Variants in MAP4K1 observed in about 807,000 individuals in gnomAD.
MAP4K1 encodes the protein mitogen-activated protein kinase kinase kinase kinase 1.
Under a neutral mutation model 122.8 loss-of-function variants are expected in MAP4K1, and 35 were observed. The observed-to-expected ratio is 0.29, with a 90% confidence interval of 0.22 to 0.38. The LOEUF is 0.38. Ranked by LOEUF, MAP4K1 falls within the 10% of genes least tolerant of loss-of-function variation. The probability of loss-of-function intolerance (pLI) is 1.00; values close to 1 mark genes in which losing one functional copy is unlikely to be tolerated. For synonymous variants in MAP4K1, 412 were observed against 421.3 expected, an observed-to-expected ratio of 0.98 and a Z score of 0.27; for missense variants, 791 against 1,072.6, an observed-to-expected ratio of 0.74 and a Z score of 3.67.
At chr19:38,600,421 A>G (rs1975025913) in intron 20 of MAP4K1, among the ~76,000 whole-genome samples, 1 of 151,668 alleles carries the variant, frequency 6.6e-6, no homozygotes, top group Admixed American at 6.6e-5. Flanking sequence ...ACTGACCCCA[A>G]CCTTAGACCT....
chr19:38,589,903 G>A (rs999122073), intron 30 of MAP4K1, among the ~76,000 whole-genome samples: 2 of 151,876 alleles, frequency 1.3e-5, no homozygotes, highest in African/African-American at 2.4e-5. Flanking sequence ...AGTGGTACGC[G>A]CCTGTCATCC....
rs1974878440 is a variant in MAP4K1 at position 38,596,309 on chromosome 19, C to T, written c.2116+3G>A. On this transcript the variant is annotated splice_donor_region_variant and intron_variant, in intron 26 of 30. Coordinates refer to ENST00000396857, the MANE Select transcript of MAP4K1 (RefSeq NM_001042600.3). Reference sequence around the variant, plus strand: ...GCCCTCAGCAAGACTCCGCCCCACTCACCGGTGCTCATCTCGCCCAGCCAG... The same window carrying T: ...GCCCTCAGCAAGACTCCGCCCCACTTACCGGTGCTCATCTCGCCCAGCCAG... The T allele has an allele frequency of 6.4e-7, 1 of 1,564,386 alleles. No individual in the cohort carries two copies. The highest frequency in any genetic ancestry group is 1.8e-5 in the Admixed American group (1 of 55,432).
intron 9 of MAP4K1, 148 bp from the exon 10 acceptor site, chr19:38,611,453 G>A: frequency 1.5e-6 from 1 of 654,156 alleles, no homozygotes; most frequent in Non-Finnish European, 2.8e-6. Flanking sequence ...GTGCACCAGG[G>A]TGCCTCTCCT....
chr19:38,601,376 C>T (rs1290331876), intron 20 of MAP4K1, 65 bp downstream of exon 20: 2 of 1,442,928 alleles, frequency 1.4e-6, no homozygotes, highest in African/African-American at 2.8e-5. Context: ...CCTTAGGCTT[C>T]TCCCCACCCC....
intron 12 of MAP4K1, 56 bp downstream of exon 12, chr19:38,609,853 C>T: frequency 6.7e-7 from 1 of 1,502,410 alleles, no homozygotes; most frequent in East Asian, 2.3e-5. Context: ...TGGCAGCAGG[C>T]ACAGCCTGAG....
At chr19:38,591,214 A>T (rs117910631) in intron 30 of MAP4K1, among the ~76,000 whole-genome samples, 1 of 151,666 alleles carries the variant, frequency 6.6e-6, no homozygotes, top group Non-Finnish European at 1.5e-5. Context: ...AAAAAGAATA[A>T]TAAGGCAAAT....
At chr19:38,609,749 C>G in intron 12 of MAP4K1, 75 bp from the exon 13 acceptor site, 4 of 1,415,748 alleles carry the variant, frequency 2.8e-6, no homozygotes, top group Non-Finnish European at 3.9e-6. Context: ...TCCATCTGCT[C>G]TCTCCTGTAA....
At chr19:38,615,971 TAAAAAAAA>T (rs746145466) in intron 4 of MAP4K1, among the ~76,000 whole-genome samples, 3 of 107,422 alleles carry the variant, frequency 2.8e-5, no homozygotes, top group Non-Finnish European at 3.9e-5. Flanking sequence ...GCAGTTATAT[TAAAAAAAA>T]AAAAAAAAAA....
intron 26 of MAP4K1, 90 bp downstream of exon 26, chr19:38,596,222 T>C (rs1974872759): frequency 1.4e-6 from 2 of 1,458,080 alleles, no homozygotes; most frequent in Non-Finnish European, 1.8e-6. Flanking sequence ...CTCAGTCCCG[T>C]AGTGCCTCAG....
intron 30 of MAP4K1, among the ~76,000 whole-genome samples, 168 bp from the exon 31 acceptor site, chr19:38,587,985 T>G (rs913785859): frequency 2.0e-5 from 3 of 152,094 alleles, no homozygotes; most frequent in Non-Finnish European, 2.9e-5. Flanking sequence ...GAGAAGGAGA[T>G]CAACATGAAT....
chr19:38,613,381 C>T (rs1975557765), intron 8 of MAP4K1, among the ~76,000 whole-genome samples: 1 of 149,794 alleles, frequency 6.7e-6, no homozygotes, highest in Non-Finnish European at 1.5e-5. Flanking sequence ...AAAAATTAGC[C>T]AGGTGTCATG....
rs549086347 is a variant in MAP4K1, at chr19:38,600,407, C to A, written c.1532-254G>T. 2.0e-5 allele frequency among the ~76,000 whole-genome samples: 3 copies of A among 152,244 alleles called. No homozygotes were observed. The East Asian group carries it at 5.8e-4, about 29-fold the overall frequency. ...CTTCTCTGCCCAACTGTCTTCTGAA[C>A]CAAACTGACCCCAACCTTAGACCTG... On this transcript the variant is annotated intron_variant, in intron 20 of 30. Coordinates refer to ENST00000396857, the MANE Select transcript of MAP4K1 (RefSeq NM_001042600.3).
At chr19:38,609,757 T>C in intron 12 of MAP4K1, 83 bp from the exon 13 acceptor site, 1 of 1,381,888 alleles carries the variant, frequency 7.2e-7, no homozygotes, top group Non-Finnish European at 1.0e-6. Flanking sequence ...CTCTCTCCTG[T>C]AACCCTCTGG....
Position 38,596,338 on chromosome 19 carries a change from G to A in MAP4K1, c.2090C>T (p.Ser697Phe). ...GGTGCTCATCTCGCCCAGCCAGCAA[G>A]AGAGCGCGCCAAAGCGCACCGTGTG... Reference protein sequence around the residue: ...LFHTVRFGALSCWLGEMSTEH... With the variant: ...LFHTVRFGALFCWLGEMSTEH... Residue 697 changes from serine (S) to phenylalanine (F), a missense_variant, in exon 26 of 31, where the codon TCT (serine) becomes TTT (phenylalanine). Physicochemically the swap from Ser to Phe is radical, Grantham distance 155. Transcript: ENST00000396857. The A allele has an allele frequency of 6.3e-7, 1 of 1,597,764 alleles. No individual in the cohort carries two copies. The highest frequency in any genetic ancestry group is 8.5e-7 in the Non-Finnish European group (1 of 1,172,382).
intron 30 of MAP4K1, among the ~76,000 whole-genome samples, chr19:38,592,752 A>C (rs906807489): frequency 2.0e-5 from 3 of 151,732 alleles, no homozygotes; most frequent in African/African-American, 7.3e-5. Context: ...TGCCATCTCT[A>C]CTAAAAAATA....
At position 38,597,638 on chromosome 19, in the gene MAP4K1, T is replaced by A. The variant is rs1974930845; in HGVS notation, c.1670-44A>T. ...TAGGGGGAAGCAGGAAGTTATAGGA[T>A]CCCATATACCACTTCCTTTCCTCCA... On this transcript the variant is annotated intron_variant, in intron 22 of 30. Coordinates refer to ENST00000396857, the MANE Select transcript of MAP4K1 (RefSeq NM_001042600.3). The surrounding 1 kb of genome is among the most constrained non-coding windows in gnomAD (Gnocchi z 4.6). 7.5e-7 allele frequency: 1 copy of A among 1,341,074 alleles called. No individual in the cohort carries two copies. The highest frequency in any genetic ancestry group is 1.3e-5 in the South Asian group (1 of 77,364). The allele number at this position is 1,341,074 out of a possible 1,614,324, so 83.1% of individuals were successfully genotyped here. A position where few individuals can be genotyped will look rare whatever the true frequency, so the allele number is the denominator to read the frequency against.
At chr19:38,593,685 G>C (rs561208014) in intron 29 of MAP4K1, among the ~76,000 whole-genome samples, 2 of 152,330 alleles carry the variant, frequency 1.3e-5, no homozygotes, top group South Asian at 4.1e-4. Flanking sequence ...CTGGAGCCGA[G>C]ATCTCCAGCT....
intron 17 of MAP4K1, 82 bp from the exon 18 acceptor site, chr19:38,605,812 T>G: frequency 1.0e-5 from 14 of 1,372,186 alleles, no homozygotes; most frequent in Non-Finnish European, 1.4e-5. Context: ...AGTCCCTGCC[T>G]CCACCAGAAC....
At position 38,612,756 on chromosome 19, in the gene MAP4K1, C is replaced by G; in HGVS notation, c.534-14G>C. On this transcript the variant is annotated splice_polypyrimidine_tract_variant and intron_variant, in intron 8 of 30. Coordinates refer to ENST00000396857, the MANE Select transcript of MAP4K1 (RefSeq NM_001042600.3). Reference sequence around the variant, plus strand: ...TCCGGAGCCATCCTGGGGGCAGACACGCTCAGAGAGCCAGAGGTGGCATGG... The same window carrying G: ...TCCGGAGCCATCCTGGGGGCAGACAGGCTCAGAGAGCCAGAGGTGGCATGG... The G allele has an allele frequency of 6.2e-7, 1 of 1,611,300 alleles. No individual in the cohort carries two copies. The highest frequency in any genetic ancestry group is 8.5e-7 in the Non-Finnish European group (1 of 1,178,872).
Sources: allele counts gnomAD v4.1 joint callset (sites outside exome capture counted in the v4.1 genomes callset), GRCh38; gene constraint gnomAD v4.1.1; non-coding constraint Gnocchi (gnomAD v3.1); transcripts MANE v1.5; gene names NCBI Gene and HGNC (gene_info 2026-07-23, HGNC 2026-07-21).